Variants in ASPH observed in about 807,000 individuals in gnomAD.
ASPH encodes aspartyl/asparaginyl beta-hydroxylase.
Under a neutral mutation model 118.4 loss-of-function variants are expected in ASPH, and 100 were observed. That is an observed-to-expected ratio of 0.84 (90% confidence interval 0.72 to 1.00). The LOEUF (loss-of-function observed/expected upper bound fraction) is 1.00. ASPH is among the 50% of genes least tolerant of loss of function. The pLI, the probability that ASPH is intolerant of heterozygous loss-of-function variation, is 0.00. For missense variants in ASPH, 920 were observed against 919.5 expected (o/e 1.00, Z -0.01); for synonymous variants, 315 against 325.6 (o/e 0.97, Z 0.35).
At chr8:61,634,917 T>C (rs1857094049) in intron 12 of ASPH, among the ~76,000 whole-genome samples, 2 of 152,218 alleles carry the variant, frequency 1.3e-5, no homozygotes, top group African/African-American at 4.8e-5. Context: ...ACAAAAAATA[T>C]ACATTCAACA....
At chr8:61,664,619 G>A (rs564105721) in intron 3 of ASPH, 26 of 986,304 alleles carry the variant, frequency 2.6e-5, no homozygotes, top group Admixed American at 2.5e-4. Flanking sequence ...GGTGAGGAGT[G>A]AAGGAAAGGA....
intron 20 of ASPH, among the ~76,000 whole-genome samples, chr8:61,549,518 A>T (rs1362815700): frequency 6.6e-6 from 1 of 152,224 alleles, no homozygotes; most frequent in African/African-American, 2.4e-5. Context: ...GAAACTAAGA[A>T]TGCATATACA....
intron 21 of ASPH, among the ~76,000 whole-genome samples, chr8:61,527,922 C>T (rs1030850216): frequency 5.9e-5 from 9 of 152,196 alleles, no homozygotes; most frequent in African/African-American, 2.2e-4. Context: ...GACTTGGTTG[C>T]AGAAAAACAA....
intron 22 of ASPH, among the ~76,000 whole-genome samples, chr8:61,521,208 G>A (rs79305128): frequency 0.067 from 10,211 of 152,220 alleles, 459 homozygotes; most frequent in East Asian, 0.13. Context: ...GTCACATAGC[G>A]AACAGCAGAG....
At chr8:61,607,437 C>A in intron 14 of ASPH, 2 of 581,308 alleles carry the variant, frequency 3.4e-6, no homozygotes, top group Non-Finnish European at 3.1e-6. Flanking sequence ...TCTTATTCTA[C>A]CATGACCAAC....
intron 3 of ASPH, among the ~76,000 whole-genome samples, chr8:61,655,373 C>T (rs1045682286): frequency 2.6e-5 from 4 of 152,106 alleles, no homozygotes; most frequent in Admixed American, 6.5e-5. Context: ...GTCTAGTTTG[C>T]CTGAGACACT....
At chr8:61,613,209 C>T (rs1480796564) in intron 14 of ASPH, among the ~76,000 whole-genome samples, 2 of 152,118 alleles carry the variant, frequency 1.3e-5, no homozygotes, top group Admixed American at 6.5e-5. Flanking sequence ...TTGAGTAAAG[C>T]AGATTACTCT....
chr8:61,671,626 G>T (rs952205252), intron 3 of ASPH, among the ~76,000 whole-genome samples: 2 of 152,138 alleles, frequency 1.3e-5, no homozygotes, highest in Admixed American at 6.5e-5. Flanking sequence ...TTATTTTGAT[G>T]TAAGTATTTA....
intron 13 of ASPH, among the ~76,000 whole-genome samples, chr8:61,621,388 C>A (rs541219001): frequency 6.6e-6 from 1 of 150,862 alleles, no homozygotes; most frequent in African/African-American, 2.4e-5. Context: ...TTAGGCTCTA[C>A]AAGTTTTATT....
chr8:61,640,047 T>C (rs537596023), intron 10 of ASPH, among the ~76,000 whole-genome samples: 1 of 152,314 alleles, frequency 6.6e-6, no homozygotes, highest in South Asian at 2.1e-4. Flanking sequence ...ATCTGTCCTA[T>C]CCGTCCACTG....
At chr8:61,643,208 A>T (rs1413121854) in intron 9 of ASPH, among the ~76,000 whole-genome samples, 178 bp downstream of exon 9, 1 of 152,212 alleles carries the variant, frequency 6.6e-6, no homozygotes, top group African/African-American at 2.4e-5. Flanking sequence ...ATGAGGTGAA[A>T]TATGAAAGCC....
At chr8:61,706,463 A>G (rs1328383352) in intron 1 of ASPH, among the ~76,000 whole-genome samples, 1 of 147,894 alleles carries the variant, frequency 6.8e-6, no homozygotes, top group African/African-American at 2.5e-5. Context: ...AGAAGGAGGA[A>G]GAGGAAGAAG....
At chr8:61,559,687 T>C (rs1325121963) in intron 18 of ASPH, among the ~76,000 whole-genome samples, 1 of 152,254 alleles carries the variant, frequency 6.6e-6, no homozygotes. Context: ...ATCTTAAAAA[T>C]TGTTTTGGGG....
At chr8:61,678,973 G>A (rs764497210) in intron 3 of ASPH, among the ~76,000 whole-genome samples, 1 of 152,092 alleles carries the variant, frequency 6.6e-6, no homozygotes, top group Admixed American at 6.6e-5. Context: ...TGTCTTTGCA[G>A]TAACCTTCCA....
chr8:61,663,972 A>G (rs1437729297), intron 3 of ASPH: 1 of 864,282 alleles, frequency 1.2e-6, no homozygotes. Context: ...AGATCTTCAT[A>G]AAAAAGTAAA....
At chr8:61,629,815 T>G (rs997823996) in intron 13 of ASPH, among the ~76,000 whole-genome samples, 2 of 152,204 alleles carry the variant, frequency 1.3e-5, no homozygotes, top group African/African-American at 4.8e-5. Flanking sequence ...CGTCTTCATT[T>G]ATTTAAAATC....
chr8:61,705,591 G>C (rs547156521), intron 1 of ASPH, among the ~76,000 whole-genome samples: 2 of 152,300 alleles, frequency 1.3e-5, no homozygotes, highest in South Asian at 2.1e-4. Context: ...AAAAAATGTA[G>C]TACAATGGCT....
intron 3 of ASPH, among the ~76,000 whole-genome samples, chr8:61,668,623 A>C (rs927623661): frequency 6.6e-6 from 1 of 152,170 alleles, no homozygotes; most frequent in Non-Finnish European, 1.5e-5. Context: ...ATCAATTAAA[A>C]ATACTAGAGT....
At chr8:61,658,319 G>T (rs1319496948) in intron 3 of ASPH, 1 of 152,198 alleles carries the variant, frequency 6.6e-6, no homozygotes, top group East Asian at 1.9e-4. Flanking sequence ...TGGACAGACA[G>T]ATTTCAAACA....
Sources: gnomAD v4.1 joint callset for allele counts (sites outside exome capture counted in the v4.1 genomes callset) on GRCh38, gnomAD v4.1.1 for gene constraint, MANE v1.5 for transcripts, NCBI Gene and HGNC (gene_info 2026-07-23, HGNC 2026-07-21) for gene names.